NWD1: variants seen among roughly 807,000 people sequenced by gnomAD.
The protein encoded by NWD1 is NACHT domain- and WD repeat-containing protein 1.
Under a neutral mutation model 135.1 loss-of-function variants are expected in NWD1, and 129 were observed. The observed-to-expected ratio is 0.96, with a 90% CI of 0.83 to 1.11. The LOEUF (loss-of-function observed/expected upper bound fraction) is 1.11, where lower values mean the gene tolerates loss of function less well. Ranked by LOEUF, NWD1 falls within the 50% of genes least tolerant of loss-of-function variation. The pLI is 0.00. For synonymous variants in NWD1, 773 were observed against 786.0 expected, an observed-to-expected ratio of 0.98 and a Z score of 0.28; for missense variants, 1,740 against 1,851.3, an observed-to-expected ratio of 0.94 and a Z score of 1.10.
intron 4 of NWD1, among the ~76,000 whole-genome samples, chr19:16,741,206 C>G (rs1281891985): frequency 6.6e-6 from 1 of 152,068 alleles, no homozygotes; most frequent in Non-Finnish European, 1.5e-5. Flanking sequence ...CCTTCGCTGT[C>G]CCTCTTCTTG....
intron 2 of NWD1, among the ~76,000 whole-genome samples, chr19:16,726,655 G>A (rs776838719): frequency 4.6e-5 from 7 of 151,672 alleles, no homozygotes; most frequent in Non-Finnish European, 1.0e-4. Flanking sequence ...GGCCAGGCTG[G>A]TTTGAACTCC....
At chr19:16,768,778 A>G (rs1969315917) in intron 10 of NWD1, among the ~76,000 whole-genome samples, 1 of 152,216 alleles carries the variant, frequency 6.6e-6, no homozygotes. Flanking sequence ...CAAGATGCTT[A>G]AGTCTCTGTA....
At chr19:16,781,976 C>T (rs1344799839) in intron 12 of NWD1, among the ~76,000 whole-genome samples, 1 of 151,578 alleles carries the variant, frequency 6.6e-6, no homozygotes, top group Non-Finnish European at 1.5e-5. Context: ...TGCCTGTAGT[C>T]CCAGCTACTC....
At chr19:16,791,755 C>T (rs1970254690) in intron 14 of NWD1, 133 bp downstream of exon 14, 1 of 954,626 alleles carries the variant, frequency 1.0e-6, no homozygotes. Flanking sequence ...CTTTTGTTGC[C>T]CAGGCTGGAG....
intron 13 of NWD1, among the ~76,000 whole-genome samples, 180 bp from the exon 14 acceptor site, chr19:16,791,170 G>A (rs1388266841): frequency 1.3e-5 from 2 of 152,128 alleles, no homozygotes; most frequent in Non-Finnish European, 2.9e-5. Flanking sequence ...GGAGGTCGAT[G>A]CTGCAGTGAG....
At chr19:16,807,467 T>C in intron 17 of NWD1, 119 bp from the exon 18 acceptor site, 1 of 774,080 alleles carries the variant, frequency 1.3e-6, no homozygotes, top group Non-Finnish European at 2.1e-6. Flanking sequence ...CACTACAGCC[T>C]GGGCAACAGA....
intron 4 of NWD1, among the ~76,000 whole-genome samples, chr19:16,737,000 A>T (rs1967848355): frequency 6.6e-6 from 1 of 152,076 alleles, no homozygotes; most frequent in Admixed American, 6.6e-5. Context: ...AGCCAGAAGG[A>T]ATCTTGGAAT....
chr19:16,762,213 C>A, intron 8 of NWD1, 75 bp downstream of exon 8: 11 of 1,382,166 alleles, frequency 8.0e-6, no homozygotes, highest in Non-Finnish European at 1.1e-5. Flanking sequence ...CTTCCTTCCC[C>A]TTTTTGCACT....
chr19:16,802,082 A>G (rs943759123), intron 17 of NWD1, among the ~76,000 whole-genome samples: 20 of 151,986 alleles, frequency 1.3e-4, no homozygotes, highest in Admixed American at 1.3e-3. Flanking sequence ...TCAGGAGCTC[A>G]AGACTAGCCT....
chr19:16,799,923 T>A lies in NWD1; in HGVS notation c.3497T>A (p.Ile1166Asn). The A allele has an allele frequency of 6.2e-7, 1 of 1,613,668 alleles. No individual in the cohort carries two copies. The highest frequency in any genetic ancestry group is 1.1e-5 in the South Asian group (1 of 90,988). ...SLSEQGTLLDILEGVGAPVSL... is the reference protein window; with the variant it reads ...SLSEQGTLLDNLEGVGAPVSL... ...TCAGAACAGGGGACCCTTCTGGACATCCTGGAAGGCGTCGGGGCCCCCGTG... is the reference window on the plus strand; with the variant it reads ...TCAGAACAGGGGACCCTTCTGGACAACCTGGAAGGCGTCGGGGCCCCCGTG... Residue 1166 changes from isoleucine (I) to asparagine (N), a missense_variant, in exon 17 of 19, where the codon ATC (isoleucine) becomes AAC (asparagine). By Grantham distance (149) the Ile-to-Asn change is moderately radical. Coordinates refer to ENST00000524140, the MANE Select transcript of NWD1 (RefSeq NM_001007525.5).
At chr19:16,736,337 C>A (rs1382634992) in intron 3 of NWD1, among the ~76,000 whole-genome samples, 1 of 151,918 alleles carries the variant, frequency 6.6e-6, no homozygotes, top group Non-Finnish European at 1.5e-5. Context: ...TCAATTGATC[C>A]TCCTACCTCA....
At chr19:16,753,210 G>T (rs768522236) in intron 6 of NWD1, among the ~76,000 whole-genome samples, 7 of 152,152 alleles carry the variant, frequency 4.6e-5, no homozygotes, top group Non-Finnish European at 8.8e-5. Context: ...ACTTCAGCTT[G>T]CCTTGAGCCA....
intron 3 of NWD1, among the ~76,000 whole-genome samples, chr19:16,731,878 G>A (rs895428865): frequency 6.6e-6 from 1 of 151,994 alleles, no homozygotes; most frequent in Non-Finnish European, 1.5e-5. Flanking sequence ...TCTGTAGTTG[G>A]TCCTGGAGAT....
intron 4 of NWD1, among the ~76,000 whole-genome samples, chr19:16,743,680 G>GTTTGTTTGTTTA (rs369618174): frequency 6.6e-6 from 1 of 151,592 alleles, no homozygotes; most frequent in Non-Finnish European, 1.5e-5. Context: ...TTATTAGTTT[G>GTTTGTTTGTTTA]TTTATTTATT....
intron 10 of NWD1, among the ~76,000 whole-genome samples, chr19:16,766,388 C>A (rs550607034): frequency 6.6e-6 from 1 of 151,968 alleles, no homozygotes. Context: ...GGTGACAGAG[C>A]GAGACCCTGT....
intron 3 of NWD1, among the ~76,000 whole-genome samples, chr19:16,731,585 G>A (rs551588187): frequency 1.4e-4 from 21 of 148,736 alleles, no homozygotes; most frequent in African/African-American, 4.7e-4. Context: ...GATTACAGGC[G>A]TGAGCCACTG....
At chr19:16,798,731 A>G (rs1970501570) in intron 16 of NWD1, among the ~76,000 whole-genome samples, 1 of 152,156 alleles carries the variant, frequency 6.6e-6, no homozygotes, top group Middle Eastern at 3.4e-3. Context: ...GGTTCAAGCA[A>G]TTCTCCTGCC....
chr19:16,729,298 G>C (rs1967459419), intron 2 of NWD1, among the ~76,000 whole-genome samples: 1 of 152,016 alleles, frequency 6.6e-6, no homozygotes, highest in South Asian at 2.1e-4. Context: ...TATCTCATGT[G>C]GTCACTCCCT....
At chr19:16,772,050 C>T (rs1419045525) in intron 10 of NWD1, among the ~76,000 whole-genome samples, 2 of 151,978 alleles carry the variant, frequency 1.3e-5, no homozygotes, top group African/African-American at 4.8e-5. Flanking sequence ...CCAATATATC[C>T]CTCCTCTGAT....
Sources: gnomAD v4.1 joint callset for allele counts (sites outside exome capture counted in the v4.1 genomes callset) on GRCh38, gnomAD v4.1.1 for gene constraint, MANE v1.5 for transcripts, NCBI Gene and HGNC (gene_info 2026-07-23, HGNC 2026-07-21) for gene names.